EFNA5: variants seen among roughly 807,000 people sequenced by gnomAD.
The protein encoded by EFNA5 is ephrin-A5.
Under a neutral mutation model 22.9 loss-of-function variants are expected in EFNA5, and 5 were observed. The observed-to-expected ratio is 0.22, with a 90% CI of 0.11 to 0.46. EFNA5 has a LOEUF of 0.46. Among genes scored for constraint, EFNA5 ranks in the 20% least tolerant of loss-of-function variants. The pLI, the probability that EFNA5 is intolerant of heterozygous loss-of-function variation, is 0.99. For synonymous variants in EFNA5, 113 were observed against 112.2 expected (o/e 1.01, Z -0.04); for missense variants, 237 against 293.3 (o/e 0.81, Z 1.40).
intron 1 of EFNA5, among the ~76,000 whole-genome samples, chr5:107,588,793 T>C (rs1749249406): frequency 2.0e-5 from 3 of 152,204 alleles, no homozygotes; most frequent in African/African-American, 7.2e-5. Context: ...AAAAGACTCA[T>C]TTAAATTATC....
chr5:107,558,218 C>T (rs1748465431), intron 1 of EFNA5, among the ~76,000 whole-genome samples: 1 of 152,158 alleles, frequency 6.6e-6, no homozygotes, highest in South Asian at 2.1e-4. Context: ...CAAGTTTTAA[C>T]CCCCACTCCC....
intron 2 of EFNA5, among the ~76,000 whole-genome samples, chr5:107,417,205 T>C (rs539310989): frequency 2.6e-5 from 4 of 152,312 alleles, no homozygotes; most frequent in Non-Finnish European, 4.4e-5. Context: ...ATAAAGCTAG[T>C]TGGAAATATT....
chr5:107,612,730 G>A (rs1489341976), intron 1 of EFNA5, among the ~76,000 whole-genome samples: 1 of 152,126 alleles, frequency 6.6e-6, no homozygotes, highest in Non-Finnish European at 1.5e-5. Context: ...GACCAGGGTT[G>A]TGATATTCCC....
At chr5:107,444,051 AAC>A (rs1749330891) in intron 1 of EFNA5, among the ~76,000 whole-genome samples, 1 of 152,170 alleles carries the variant, frequency 6.6e-6, no homozygotes. Context: ...CGTGGATGAT[AAC>A]ATCATCCATG....
intron 1 of EFNA5, among the ~76,000 whole-genome samples, chr5:107,457,730 G>A (rs1749731098): frequency 2.0e-5 from 3 of 152,108 alleles, no homozygotes; most frequent in Non-Finnish European, 4.4e-5. Context: ...GTGTGAGCAG[G>A]AGAGAGAATA....
intron 1 of EFNA5, among the ~76,000 whole-genome samples, chr5:107,601,811 G>A (rs963533938): frequency 1.3e-5 from 2 of 152,164 alleles, no homozygotes; most frequent in Non-Finnish European, 2.9e-5. Context: ...GATAATTTGT[G>A]GAGGTAAGCT....
chr5:107,635,257 T>C (rs928503790), intron 1 of EFNA5, among the ~76,000 whole-genome samples: 2 of 152,270 alleles, frequency 1.3e-5, no homozygotes, highest in African/African-American at 4.8e-5. Context: ...TACTTTAATG[T>C]ATAACTGCTT....
At chr5:107,580,918 A>C (rs1749059782) in intron 1 of EFNA5, among the ~76,000 whole-genome samples, 1 of 152,184 alleles carries the variant, frequency 6.6e-6, no homozygotes, top group Admixed American at 6.5e-5. Flanking sequence ...GCATGTTCCA[A>C]AAAAACGAGC....
intron 1 of EFNA5, among the ~76,000 whole-genome samples, chr5:107,470,007 T>C (rs1436762111): frequency 6.6e-6 from 1 of 152,188 alleles, no homozygotes; most frequent in East Asian, 1.9e-4. Flanking sequence ...AATGCAATTA[T>C]AACTGTATTC....
At chr5:107,575,017 T>C (rs1748898024) in intron 1 of EFNA5, among the ~76,000 whole-genome samples, 1 of 152,220 alleles carries the variant, frequency 6.6e-6, no homozygotes, top group African/African-American at 2.4e-5. Flanking sequence ...GGGCACTTGC[T>C]CTGCTTTGCT....
intron 1 of EFNA5, among the ~76,000 whole-genome samples, chr5:107,469,211 T>C (rs1376843643): frequency 6.6e-6 from 1 of 152,124 alleles, no homozygotes; most frequent in Non-Finnish European, 1.5e-5. Flanking sequence ...CCAGCATCCA[T>C]GAAGCTGTTC....
At chr5:107,402,434 T>C (rs1181681405) in intron 2 of EFNA5, among the ~76,000 whole-genome samples, 1 of 152,208 alleles carries the variant, frequency 6.6e-6, no homozygotes, top group Non-Finnish European at 1.5e-5. Context: ...TGATGCTTCT[T>C]CACTATGAAA....
chr5:107,558,273 T>G lies in EFNA5; in HGVS notation c.125+112216A>C, dbSNP rs145043153. Among the ~76,000 whole-genome samples, 760 of 152,288 alleles carry G rather than the reference T, an allele frequency of 5.0e-3. 3 individuals carry two copies. Among genetic ancestry groups the G allele is most frequent in the Admixed American group, 8.1e-3 (124 of 15,302 alleles). On this transcript the variant is annotated intron_variant, in intron 1 of 4. Transcript: ENST00000333274. ...GCCACACAGATTATACTGTTTTTTTTTTGTTGTTTATTTTTTGTTTTTAAG... is the reference window on the plus strand; with the variant it reads ...GCCACACAGATTATACTGTTTTTTTGTTGTTGTTTATTTTTTGTTTTTAAG...
chr5:107,628,873 T>C (rs1370372423), intron 1 of EFNA5, among the ~76,000 whole-genome samples: 1 of 152,146 alleles, frequency 6.6e-6, no homozygotes, highest in Non-Finnish European at 1.5e-5. Flanking sequence ...TAAAAACAAG[T>C]CATATAAGGA....
chr5:107,457,035 T>C (rs996901173), intron 1 of EFNA5, among the ~76,000 whole-genome samples: 4 of 152,124 alleles, frequency 2.6e-5, no homozygotes, highest in African/African-American at 7.2e-5. Flanking sequence ...CTTTCCTCTT[T>C]GCCCAAGATT....
intron 1 of EFNA5, among the ~76,000 whole-genome samples, chr5:107,504,127 C>A (rs1747200158): frequency 6.6e-6 from 1 of 152,032 alleles, no homozygotes; most frequent in Non-Finnish European, 1.5e-5. Context: ...AGGAACTCTG[C>A]CATGCAGAGA....
intron 1 of EFNA5, among the ~76,000 whole-genome samples, chr5:107,615,469 G>C: frequency 6.6e-6 from 1 of 152,108 alleles, no homozygotes; most frequent in East Asian, 1.9e-4. Context: ...GTTAAAATGC[G>C]CACTTACAGT....
chr5:107,429,164 C>T (rs187868454), intron 1 of EFNA5, among the ~76,000 whole-genome samples: 6 of 152,316 alleles, frequency 3.9e-5, no homozygotes, highest in East Asian at 1.9e-4. Context: ...ACCTTCTAGC[C>T]GGGTACAGTG....
chr5:107,529,864 A>G (rs1348342857), intron 1 of EFNA5, among the ~76,000 whole-genome samples: 1 of 152,236 alleles, frequency 6.6e-6, no homozygotes. Context: ...AGCATCCTAC[A>G]TACAAATGCA....
Sources: gnomAD v4.1 joint callset for allele counts (sites outside exome capture counted in the v4.1 genomes callset) on GRCh38, gnomAD v4.1.1 for gene constraint, MANE v1.5 for transcripts, NCBI Gene and HGNC (gene_info 2026-07-23, HGNC 2026-07-21) for gene names.